Variants in ASIC2 observed in about 807,000 individuals in gnomAD.
The protein encoded by ASIC2 is acid sensing ion channel subunit 2, also known as acid-sensing ion channel 2.
A neutral mutation model predicts 57.3 loss-of-function variants in ASIC2; 25 were observed. That is an observed-to-expected ratio of 0.44 (90% CI 0.32 to 0.61). ASIC2 has a LOEUF of 0.61. ASIC2 is among the 20% of genes least tolerant of loss of function. The pLI is 0.06. For missense variants in ASIC2, 641 were observed against 738.1 expected (o/e 0.87, Z 1.52); for synonymous variants, 319 against 307.5 (o/e 1.04, Z -0.39).
intron 1 of ASIC2, chr17:33,980,672 C>T (rs1183817842): frequency 6.6e-6 from 1 of 152,228 alleles, no homozygotes; most frequent in Non-Finnish European, 1.5e-5. Context: ...TCTCAGCTGC[C>T]AGCTCCCCAT....
At chr17:33,966,256 G>C (rs1270516470) in intron 1 of ASIC2, among the ~76,000 whole-genome samples, 1 of 152,144 alleles carries the variant, frequency 6.6e-6, no homozygotes, top group Non-Finnish European at 1.5e-5. Flanking sequence ...TCTTGCTTTT[G>C]CTAAATAATG....
At chr17:33,804,169 A>T (rs1182179638) in intron 1 of ASIC2, among the ~76,000 whole-genome samples, 1 of 152,210 alleles carries the variant, frequency 6.6e-6, no homozygotes, top group Admixed American at 6.5e-5. Flanking sequence ...TGAGTCCAGC[A>T]AATGTGTCGG....
intron 1 of ASIC2, among the ~76,000 whole-genome samples, chr17:33,529,524 C>T (rs969986070): frequency 8.5e-5 from 13 of 152,216 alleles, no homozygotes; most frequent in Admixed American, 2.6e-4. Context: ...CATTCTCATT[C>T]ACTTCCAAGT....
chr17:33,212,555 C>A (rs1907319399), intron 1 of ASIC2, among the ~76,000 whole-genome samples: 1 of 152,170 alleles, frequency 6.6e-6, no homozygotes, highest in Non-Finnish European at 1.5e-5. Context: ...TTTTAAGCCA[C>A]TAAACTCGTG....
At chr17:33,891,425 C>T (rs1914957145) in intron 1 of ASIC2, among the ~76,000 whole-genome samples, 1 of 152,132 alleles carries the variant, frequency 6.6e-6, no homozygotes, top group African/African-American at 2.4e-5. Context: ...GGCATGAGGT[C>T]ATCGGCCTAC....
chr17:33,780,014 A>T (rs561408348), intron 1 of ASIC2, among the ~76,000 whole-genome samples: 55 of 111,968 alleles, frequency 4.9e-4, no homozygotes, highest in African/African-American at 1.9e-3. Flanking sequence ...TGTGTTGCCC[A>T]GGCTTGAGTG....
intron 1 of ASIC2, among the ~76,000 whole-genome samples, chr17:33,617,879 G>A (rs4794966): frequency 0.42 from 63,653 of 152,034 alleles, 13,616 homozygotes; most frequent in East Asian, 0.5. Context: ...TGTCCCGATT[G>A]CTTCACAAGA....
intron 2 of ASIC2, among the ~76,000 whole-genome samples, chr17:33,091,854 G>T (rs1207634500): frequency 6.6e-6 from 1 of 152,212 alleles, no homozygotes; most frequent in Admixed American, 6.5e-5. Flanking sequence ...TCCCTGTGCT[G>T]CCCAACATGG....
chr17:33,855,130 G>A (rs73288655), intron 1 of ASIC2, among the ~76,000 whole-genome samples: 3,579 of 152,266 alleles, frequency 0.024, 122 homozygotes, highest in African/African-American at 0.082. Context: ...AAGTTGCTGG[G>A]GGAAGGTGAA....
chr17:34,102,470 C>T (rs1910901901), intron 1 of ASIC2, among the ~76,000 whole-genome samples: 1 of 152,160 alleles, frequency 6.6e-6, no homozygotes, highest in Admixed American at 6.5e-5. Flanking sequence ...ACTCCTCTTC[C>T]CCTCCTGCCA....
At chr17:33,258,744 A>G (rs923917835) in intron 1 of ASIC2, among the ~76,000 whole-genome samples, 2 of 152,230 alleles carry the variant, frequency 1.3e-5, no homozygotes, top group Admixed American at 1.3e-4. Context: ...TTGTAGAAGA[A>G]GAAACTAAAG....
chr17:33,106,047 G>A (rs2092233131), intron 2 of ASIC2, among the ~76,000 whole-genome samples: 1 of 152,216 alleles, frequency 6.6e-6, no homozygotes, highest in Non-Finnish European at 1.5e-5. Context: ...TAATATCTGA[G>A]TGAAGAGTTG....
chr17:33,334,959 G>A (rs1907457558), intron 1 of ASIC2, among the ~76,000 whole-genome samples: 1 of 152,172 alleles, frequency 6.6e-6, no homozygotes, highest in African/African-American at 2.4e-5. Flanking sequence ...ATAACAATAA[G>A]TCAGGATTGA....
intron 1 of ASIC2, chr17:33,828,237 T>C (rs1284672165): frequency 1.3e-5 from 2 of 152,232 alleles, no homozygotes; most frequent in Non-Finnish European, 2.9e-5. Flanking sequence ...TACAGGCTTT[T>C]TAAATCTGAG....
intron 1 of ASIC2, among the ~76,000 whole-genome samples, chr17:33,808,396 T>A (rs1912327843): frequency 6.6e-6 from 1 of 152,258 alleles, no homozygotes; most frequent in Admixed American, 6.5e-5. Context: ...GTCTATTCTT[T>A]TGCCAATACC....
At chr17:33,755,898 G>C (rs954791005) in intron 1 of ASIC2, among the ~76,000 whole-genome samples, 2 of 152,192 alleles carry the variant, frequency 1.3e-5, no homozygotes, top group South Asian at 2.1e-4. Context: ...GGCAGAGAGG[G>C]CCCCTGTGAT....
At chr17:34,078,803 G>A (rs1211082364) in intron 1 of ASIC2, 2 of 152,264 alleles carry the variant, frequency 1.3e-5, no homozygotes, top group African/African-American at 4.8e-5. Flanking sequence ...GCCCAGGCTT[G>A]AAAGGCACTA....
chr17:33,244,833 C>T (rs1392779601), intron 1 of ASIC2, among the ~76,000 whole-genome samples: 1 of 152,210 alleles, frequency 6.6e-6, no homozygotes, highest in Non-Finnish European at 1.5e-5. Flanking sequence ...AATGAAACTC[C>T]CCACGCACCT....
chr17:33,403,383 T>C (rs536183832), intron 1 of ASIC2, among the ~76,000 whole-genome samples: 2 of 152,354 alleles, frequency 1.3e-5, no homozygotes, highest in East Asian at 3.9e-4. Flanking sequence ...TTTGGGAAGA[T>C]CATATCTCTT....
Sources: gnomAD v4.1 joint callset for allele counts (sites outside exome capture counted in the v4.1 genomes callset) on GRCh38, gnomAD v4.1.1 for gene constraint, MANE v1.5 for transcripts, NCBI Gene and HGNC (gene_info 2026-07-23, HGNC 2026-07-21) for gene names.